The following MBD3 variants were observed in gnomAD, a reference collection of about 807,000 sequenced individuals.
MBD3 encodes methyl-CpG-binding domain protein 3.
MBD3 carries 13 observed loss-of-function variants against 31.2 expected under a neutral mutation model. The observed-to-expected ratio is 0.42, with a 90% confidence interval of 0.27 to 0.66. MBD3 has a LOEUF of 0.66. Ranked by LOEUF, MBD3 falls within the 30% of genes least tolerant of loss-of-function variation. The probability of loss-of-function intolerance (pLI) is 0.26; values close to 1 mark genes in which losing one functional copy is unlikely to be tolerated. For synonymous variants in MBD3, 223 were observed against 187.4 expected (o/e 1.19, Z -1.55); for missense variants, 440 against 426.5 (o/e 1.03, Z -0.28).
Position 1,578,400 on chromosome 19 carries a change from C to CTCG in MBD3, c.813_815dup (p.Asp271dup), listed in dbSNP as rs777658690. ...CCTCCTCCTCCTCCTCCTCGTCTTC[C>CTCG]TCGTCGTCGTCCTCAGCGCAGGCCT... On this transcript the variant is annotated inframe_insertion, in exon 6 of 7. Transcript: ENST00000434436. The surrounding 1 kb of genome is among the most constrained non-coding windows in gnomAD (Gnocchi z 6.1). 4.4e-6 allele frequency: 7 copies of CTCG among 1,604,276 alleles called. No individual in the cohort carries two copies. The highest frequency in any genetic ancestry group is 5.1e-6 in the Non-Finnish European group (6 of 1,179,686).
rs748651184 is a variant in MBD3, at chr19:1,576,443, G to A, written c.*1721C>T. ...CCGGGGCAGCAGGGCCAAGACCCAC[G>A]ATCCCTAGGCTGAGCCAGCGGCACC... On this transcript the variant is annotated 3_prime_UTR_variant, in exon 7 of 7. Coordinates refer to ENST00000434436, the MANE Select transcript of MBD3 (RefSeq NM_001281453.2). 4 of 152,244 alleles carry A rather than the reference G, an allele frequency of 2.6e-5. No homozygotes were observed. In the South Asian group the frequency reaches 6.2e-4, roughly 24 times the overall value. The allele number at this position is 152,244 out of a possible 1,614,324, so 9.4% of individuals were successfully genotyped here.
At chr19:1,591,963 CG>C (rs987063585) in intron 1 of MBD3, 4 of 152,144 alleles carry the variant, frequency 2.6e-5, no homozygotes, top group Admixed American at 2.6e-4. Context: ...CCAGAGGCCT[CG>C]GAAGGAGTCA....
At chr19:1,584,483 C>G (rs2060668051) in intron 3 of MBD3, 57 bp downstream of exon 3, 1 of 1,605,720 alleles carries the variant, frequency 6.2e-7, no homozygotes. Context: ...CAAACGTCCA[C>G]CCACCAAAGT....
chr19:1,591,334 G>T (rs898583242), intron 1 of MBD3, among the ~76,000 whole-genome samples: 1 of 152,168 alleles, frequency 6.6e-6, no homozygotes, highest in African/African-American at 2.4e-5. Flanking sequence ...GCAGGACGAG[G>T]CCCCACACAT....
Position 1,578,829 on chromosome 19 carries a change from C to T in MBD3, c.678-291G>A, listed in dbSNP as rs1482912658. On this transcript the variant is annotated intron_variant, in intron 5 of 6. Coordinates refer to ENST00000434436, the MANE Select transcript of MBD3 (RefSeq NM_001281453.2). The surrounding 1 kb of genome is among the most constrained non-coding windows in gnomAD (Gnocchi z 6.1). ...AGTCCCCAGACTTGGCCCTGAGCCT[C>T]CCCGGGGCTCAGCTGTGTAAACCCT... 2.0e-5 allele frequency among the ~76,000 whole-genome samples: 3 copies of T among 152,300 alleles called. No homozygotes were observed. The highest frequency in any genetic ancestry group is 7.2e-5 in the African/African-American group (3 of 41,578).
In MBD3 at chr19:1,585,171, A is replaced by G; in HGVS notation, c.154T>C (p.Tyr52His). ...CTCAGGTCCATGGAGCCGCCCAGGT[A>G]GCGCGCCAGCTGCGGCTTGCTGCGG... Reference protein sequence around the residue: ...KFRSKPQLARYLGGSMDLSTF... With the variant: ...KFRSKPQLARHLGGSMDLSTF... Residue 52 changes from tyrosine (Y) to histidine (H), a missense_variant, in exon 2 of 7, where the codon TAC (tyrosine) becomes CAC (histidine). Tyr to His is a moderately conservative substitution (Grantham distance 83). This residue lies in a region of MBD3 where 179 missense variants were observed against 134.7 expected (regional missense o/e 1.33). Transcript: ENST00000434436. The surrounding 1 kb of genome is among the most constrained non-coding windows in gnomAD (Gnocchi z 4.1). 1.2e-6 allele frequency: 2 copies of G among 1,608,328 alleles called. No individual in the cohort carries two copies. Among genetic ancestry groups the G allele is most frequent in the Non-Finnish European group, 8.5e-7 (1 of 1,179,222 alleles).
chr19:1,575,076 G>T lies in MBD3; in HGVS notation c.*3088C>A. The T allele has an allele frequency of 5.3e-6, 2 of 376,918 alleles. No individual in the cohort carries two copies. Among genetic ancestry groups the T allele is most frequent in the Non-Finnish European group, 1.1e-5 (2 of 183,372 alleles). The allele number at this position is 376,918 out of a possible 1,614,324, so 23.3% of individuals were successfully genotyped here. A position where few individuals can be genotyped will look rare whatever the true frequency, so the allele number is the denominator to read the frequency against. ...CTCCCTGGTACCCTCTGTGGCGGCA[G>T]CGGTGGGGAGCTTGGTCTGAGGGGA... On this transcript the variant is annotated 3_prime_UTR_variant, in exon 7 of 7. Coordinates refer to ENST00000434436, the MANE Select transcript of MBD3 (RefSeq NM_001281453.2).
chr19:1,581,079 G>A lies in MBD3; in HGVS notation c.677+13C>T. 1 of 1,614,072 alleles carries A rather than the reference G, an allele frequency of 6.2e-7. No homozygotes were observed. The highest frequency in any genetic ancestry group is 1.1e-5 in the South Asian group (1 of 91,080). On this transcript the variant is annotated intron_variant, in intron 5 of 6. Coordinates refer to ENST00000434436, the MANE Select transcript of MBD3 (RefSeq NM_001281453.2). ...ACAGGGTGGAGCAGCAGGGGACCAG[G>A]CCAAGGGGCTACCTGATGTCCTCGT...
At position 1,592,664 on chromosome 19, in the gene MBD3, G is replaced by T; in HGVS notation, c.-33C>A. On this transcript the variant is annotated 5_prime_UTR_variant, in exon 1 of 7. Coordinates refer to ENST00000434436, the MANE Select transcript of MBD3 (RefSeq NM_001281453.2). ...GGCTCCTCGGCCCGCCGCCGGGCCC[G>T]CCGCCGCCGCCCGGACCCCCACTCG... 1.1e-6 allele frequency: 1 copy of T among 898,060 alleles called. No homozygotes were observed. Among genetic ancestry groups the T allele is most frequent in the Non-Finnish European group, 1.4e-6 (1 of 691,098 alleles). 55.6% of individuals were successfully genotyped at this position (898,060 alleles called of 1,614,324 possible).
chr19:1,582,548 A>C, intron 4 of MBD3, 74 bp downstream of exon 4: 2 of 1,386,628 alleles, frequency 1.4e-6, no homozygotes, highest in Non-Finnish European at 2.0e-6. Flanking sequence ...CCCTGCCAGG[A>C]GATGAGGGCA....
Position 1,585,935 on chromosome 19 carries a change from C to T in MBD3, c.111-721G>A, listed in dbSNP as rs1412721743. 6.5e-6 allele frequency: 1 copy of T among 152,718 alleles called. No individual in the cohort carries two copies. The highest frequency in any genetic ancestry group is 2.4e-5 in the African/African-American group (1 of 41,442). 9.5% of individuals were successfully genotyped at this position (152,718 alleles called of 1,614,324 possible). Reference sequence around the variant, plus strand: ...CTCAGACACGGGGCTCTGCTCTCAGCCTGCCATGGACAAGCGCCGGCAACT... The same window carrying T: ...CTCAGACACGGGGCTCTGCTCTCAGTCTGCCATGGACAAGCGCCGGCAACT... On this transcript the variant is annotated intron_variant, in intron 1 of 6. Coordinates refer to ENST00000434436, the MANE Select transcript of MBD3 (RefSeq NM_001281453.2). This position sits in a 1 kb window ranked among gnomAD's most constrained non-coding sequence, Gnocchi z 4.1.
chr19:1,582,796 C>G, intron 3 of MBD3, 84 bp from the exon 4 acceptor site: 5 of 1,239,764 alleles, frequency 4.0e-6, no homozygotes, highest in South Asian at 1.3e-5. Context: ...GGGAGGCCCA[C>G]CTGGCCTCCT....
At chr19:1,580,486 A>G (rs1445498735) in intron 5 of MBD3, among the ~76,000 whole-genome samples, 1 of 152,180 alleles carries the variant, frequency 6.6e-6, no homozygotes, top group Non-Finnish European at 1.5e-5. Context: ...CTCTGACCTA[A>G]GCCGTGTGCT....
chr19:1,578,634 C>A lies in MBD3; in HGVS notation c.678-96G>T. On this transcript the variant is annotated intron_variant, in intron 5 of 6. Coordinates refer to ENST00000434436, the MANE Select transcript of MBD3 (RefSeq NM_001281453.2). The surrounding 1 kb of genome is among the most constrained non-coding windows in gnomAD (Gnocchi z 6.1). ...GGGACCTCAGCTGGGAGGGGAGGCC[C>A]GAGGGATCCACAGGCACCCCCCCAG... is the stretch of plus-strand genomic sequence containing the variant. 2 of 1,597,632 alleles carry A rather than the reference C, an allele frequency of 1.3e-6. No homozygotes were observed. Among genetic ancestry groups the A allele is most frequent in the South Asian group, 2.2e-5 (2 of 90,580 alleles).
At position 1,592,530 on chromosome 19, in the gene MBD3, AAAG is replaced by A. The variant is rs999196100; in HGVS notation, c.99_101del (p.Phe34del). 1.4e-6 allele frequency: 2 copies of A among 1,425,812 alleles called. No homozygotes were observed. Among genetic ancestry groups the A allele is most frequent in the Admixed American group, 2.0e-5 (1 of 50,604 alleles). The allele number at this position is 1,425,812 out of a possible 1,614,324, so 88.3% of individuals were successfully genotyped here. On this transcript the variant is annotated inframe_deletion, in exon 1 of 7. Coordinates refer to ENST00000434436, the MANE Select transcript of MBD3 (RefSeq NM_001281453.2). ...CCGGCGCGCTCATTCACCTATAGTAAAAGACATCCCTGTGGCCGGCCGACAGCC... is the reference window on the plus strand; with the variant it reads ...CCGGCGCGCTCATTCACCTATAGTAAACATCCCTGTGGCCGGCCGACAGCC...
At position 1,592,763 on chromosome 19, in the gene MBD3, C is replaced by A. The variant is rs947797898; in HGVS notation, c.-132G>T. The A allele has an allele frequency of 5.9e-6, 1 of 169,282 alleles. No homozygotes were observed. The highest frequency in any genetic ancestry group is 2.4e-5 in the African/African-American group (1 of 41,222). 10.5% of individuals were successfully genotyped at this position (169,282 alleles called of 1,614,324 possible). ...GCCGCGGCTGTTCCGGCCCGCGGGC[C>A]CCCGCCCTCCGCCCCCAGCCGGGCG... On this transcript the variant is annotated 5_prime_UTR_variant, in exon 1 of 7. Transcript: ENST00000434436.
intron 2 of MBD3, 165 bp from the exon 3 acceptor site, chr19:1,584,842 C>T (rs1238745257): frequency 1.6e-5 from 16 of 984,738 alleles, no homozygotes; most frequent in East Asian, 3.5e-5. Context: ...AGGGTCGGTC[C>T]GGCCGGCTCT....
In MBD3 at chr19:1,576,943, A is replaced by T. The variant is rs1917208950; in HGVS notation, c.*1221T>A. 6.6e-6 allele frequency: 1 copy of T among 152,342 alleles called. No homozygotes were observed. The highest frequency in any genetic ancestry group is 1.5e-5 in the Non-Finnish European group (1 of 68,102). The allele number at this position is 152,342 out of a possible 1,614,324, so 9.4% of individuals were successfully genotyped here. On this transcript the variant is annotated 3_prime_UTR_variant, in exon 7 of 7. Transcript: ENST00000434436. ...CTCCATGCGGGTCCTTGGAGGGCAG[A>T]CGGTGGAGCGGCGCTTCCTCAGCTC... is the stretch of plus-strand genomic sequence containing the variant.
chr19:1,578,056 G>T lies in MBD3; in HGVS notation c.*108C>A. 1 of 552,270 alleles carries T rather than the reference G, an allele frequency of 1.8e-6. No homozygotes were observed. The highest frequency in any genetic ancestry group is 3.3e-6 in the Non-Finnish European group (1 of 307,264). The allele number at this position is 552,270 out of a possible 1,614,324, so 34.2% of individuals were successfully genotyped here. A position where few individuals can be genotyped will look rare whatever the true frequency, so the allele number is the denominator to read the frequency against. On this transcript the variant is annotated 3_prime_UTR_variant, in exon 7 of 7. Coordinates refer to ENST00000434436, the MANE Select transcript of MBD3 (RefSeq NM_001281453.2). The surrounding 1 kb of genome is among the most constrained non-coding windows in gnomAD (Gnocchi z 6.1). ...GCCAGGAGCACGGCCTTCCTCCTGG[G>T]TGTCTCCAAGGCTGGGCTTCGCCGC...
Sources: allele counts gnomAD v4.1 joint callset (sites outside exome capture counted in the v4.1 genomes callset), GRCh38; gene constraint gnomAD v4.1.1; regional missense constraint gnomAD v4.1.1; non-coding constraint Gnocchi (gnomAD v3.1); transcripts MANE v1.5; gene names NCBI Gene and HGNC (gene_info 2026-07-23, HGNC 2026-07-21).